Variants in LPO observed in about 807,000 individuals in gnomAD.
LPO encodes lactoperoxidase, also known as salivary peroxidase.
LPO carries 70 observed loss-of-function variants against 68.4 expected under a neutral mutation model. The ratio of observed to expected loss-of-function variants is 1.02; its 90% CI spans 0.84 to 1.25. The LOEUF (loss-of-function observed/expected upper bound fraction) is 1.25, where lower values mean the gene tolerates loss of function less well. Ranked by LOEUF, LPO falls within the 50% of genes most tolerant of loss-of-function variation. LPO has a pLI of 0.00. For missense variants in LPO, 873 were observed against 908.4 expected (o/e 0.96, Z 0.50); for synonymous variants, 360 against 357.6 (o/e 1.01, Z -0.08).
Position 58,268,387 on chromosome 17 carries a change from C to A in LPO, c.*393C>A, listed in dbSNP as rs1225291115. The A allele has an allele frequency of 7.2e-6, 2 of 277,658 alleles. No homozygotes were observed. The highest frequency in any genetic ancestry group is 1.4e-5 in the Non-Finnish European group (2 of 142,604). 17.2% of individuals were successfully genotyped at this position (277,658 alleles called of 1,614,324 possible). On this transcript the variant is annotated 3_prime_UTR_variant, in exon 13 of 13. Coordinates refer to ENST00000262290, the MANE Select transcript of LPO (RefSeq NM_006151.3). ...TCCGAGGGTCCCCTGTGGCACCTAG[C>A]ATGGTGCACAGCACATTAGAAGTGC...
chr17:58,239,200 C>T (rs751733654), intron 1 of LPO, among the ~76,000 whole-genome samples: 1 of 150,772 alleles, frequency 6.6e-6, no homozygotes. Flanking sequence ...TTCCCTAAGC[C>T]GGAGCTGTCA....
At chr17:58,244,102 C>G (rs1457936753) in intron 3 of LPO, 21 bp downstream of exon 3, 1 of 1,229,270 alleles carries the variant, frequency 8.1e-7, no homozygotes, top group African/African-American at 1.5e-5. Context: ...CACACACACA[C>G]ACACACACAC....
At chr17:58,249,218 C>T in intron 5 of LPO, 41 bp downstream of exon 5, 9 of 1,544,268 alleles carry the variant, frequency 5.8e-6, no homozygotes, top group Non-Finnish European at 8.0e-6. Context: ...ATTCCAGCCA[C>T]TCCGCCCCGC....
chr17:58,242,783 C>G (rs1044538139), intron 1 of LPO, 195 bp from the exon 2 acceptor site: 1 of 529,588 alleles, frequency 1.9e-6, no homozygotes, highest in Non-Finnish European at 3.4e-6. Flanking sequence ...ATGTCTTCTC[C>G]TCTTTCCATC....
chr17:58,242,472 A>G (rs1440245997), intron 1 of LPO, among the ~76,000 whole-genome samples: 1 of 152,190 alleles, frequency 6.6e-6, no homozygotes, highest in Non-Finnish European at 1.5e-5. Flanking sequence ...GGGCCAGAGG[A>G]AACTGGCTTG....
intron 8 of LPO, among the ~76,000 whole-genome samples, chr17:58,253,045 A>AAAAG (rs1555605178): frequency 1.5e-3 from 223 of 145,718 alleles, no homozygotes; most frequent in African/African-American, 4.9e-3. Context: ...AAAAAAAAAA[A>AAAAG]AAAGAAAGAA....
intron 7 of LPO, 121 bp downstream of exon 7, chr17:58,250,742 A>T: frequency 4.0e-6 from 4 of 989,510 alleles, no homozygotes; most frequent in Non-Finnish European, 6.1e-6. Flanking sequence ...GTAGTTTCCC[A>T]TGCCTCACGT....
At chr17:58,263,142 C>T (rs913694991) in intron 9 of LPO, among the ~76,000 whole-genome samples, 3 of 152,192 alleles carry the variant, frequency 2.0e-5, no homozygotes, top group African/African-American at 7.2e-5. Flanking sequence ...TTTAAAATTT[C>T]AGCTAGTGTA....
intron 9 of LPO, among the ~76,000 whole-genome samples, chr17:58,258,467 T>C (rs1349733503): frequency 1.3e-5 from 2 of 152,198 alleles, no homozygotes; most frequent in African/African-American, 4.8e-5. Context: ...TGTGGATTTG[T>C]TTCTGGGTTC....
intron 8 of LPO, among the ~76,000 whole-genome samples, chr17:58,254,208 A>G (rs1348861232): frequency 7.4e-6 from 1 of 135,976 alleles, no homozygotes; most frequent in East Asian, 2.1e-4. Context: ...CCTAAAGATT[A>G]GAGGGCACAG....
intron 9 of LPO, among the ~76,000 whole-genome samples, chr17:58,256,421 T>TTA (rs60626632): frequency 6.7e-6 from 1 of 149,464 alleles, no homozygotes; most frequent in African/African-American, 2.5e-5. Flanking sequence ...TTTTTTTTTT[T>TTA]AATTTTTTAA....
At chr17:58,267,304 A>G in intron 11 of LPO, 45 bp from the exon 12 acceptor site, 1 of 1,522,566 alleles carries the variant, frequency 6.6e-7, no homozygotes, top group Non-Finnish European at 9.1e-7. Context: ...GAGGCTGTGA[A>G]CAGGAAGTCC....
Position 58,264,849 on chromosome 17 carries a change from G to A in LPO, c.1394G>A (p.Arg465His), listed in dbSNP as rs140718738. ...RISNVFTFAFRFGHLEVPSSM... is the reference protein window; with the variant it reads ...RISNVFTFAFHFGHLEVPSSM... Reference sequence around the variant, plus strand: ...TCCAATGTCTTCACCTTCGCCTTCCGCTTTGGCCACTTGGAGGTCCCCTCT... The same window carrying A: ...TCCAATGTCTTCACCTTCGCCTTCCACTTTGGCCACTTGGAGGTCCCCTCT... Residue 465 changes from arginine to histidine, a missense_variant, in exon 10 of 13, where the codon CGC becomes CAC. Arg to His is a conservative substitution (Grantham distance 29). Coordinates refer to ENST00000262290, the MANE Select transcript of LPO (RefSeq NM_006151.3). The A allele has an allele frequency of 2.0e-5, 33 of 1,614,066 alleles. No homozygotes were observed. Among genetic ancestry groups the A allele is most frequent in the East Asian group, 4.5e-5 (2 of 44,902 alleles).
chr17:58,252,331 C>A lies in LPO; in HGVS notation c.930C>A (p.Tyr310Ter). 6.2e-7 allele frequency: 1 copy of A among 1,614,236 alleles called. No individual in the cohort carries two copies. The highest frequency in any genetic ancestry group is 8.5e-7 in the Non-Finnish European group (1 of 1,180,040). Reference sequence around the variant, plus strand: ...CCTTCCTGGATGCCAGCTTTGTGTACAGCTCCGAGCCAAGCCTGGCCAGCC... The same window carrying A: ...CCTTCCTGGATGCCAGCTTTGTGTAAAGCTCCGAGCCAAGCCTGGCCAGCC... The part of the protein sequence containing the change: ...LTSFLDASFV[Y>*]SSEPSLASRL... Residue 310 changes from tyrosine (Y) to a stop codon, truncating the protein, a stop_gained, in exon 8 of 13, where the codon TAC (tyrosine) becomes TAA (stop). Coordinates refer to ENST00000262290, the MANE Select transcript of LPO (RefSeq NM_006151.3). LOFTEE classifies it high-confidence loss of function.
intron 8 of LPO, among the ~76,000 whole-genome samples, chr17:58,253,785 A>C (rs1970008928): frequency 6.6e-6 from 1 of 152,222 alleles, no homozygotes; most frequent in Non-Finnish European, 1.5e-5. Context: ...TTTCATAAAA[A>C]TATGCACTCA....
chr17:58,253,022 CAAAAAAA>C (rs765890765), intron 8 of LPO, among the ~76,000 whole-genome samples: 884 of 31,058 alleles, frequency 0.028, 8 homozygotes, highest in African/African-American at 0.1. Flanking sequence ...GACTCCATCT[CAAAAAAA>C]AAAAAAAAAA....
chr17:58,252,881 G>A (rs1969988205), intron 8 of LPO, among the ~76,000 whole-genome samples: 1 of 151,478 alleles, frequency 6.6e-6, no homozygotes, highest in Non-Finnish European at 1.5e-5. Context: ...AAATTAGCCG[G>A]GCGTGGTGGC....
intron 10 of LPO, among the ~76,000 whole-genome samples, chr17:58,265,832 A>G (rs1970253180): frequency 6.6e-6 from 1 of 151,546 alleles, no homozygotes; most frequent in African/African-American, 2.4e-5. Context: ...CAGTCTTCCC[A>G]CCTTGGCCTC....
intron 1 of LPO, among the ~76,000 whole-genome samples, chr17:58,240,310 C>T (rs558903000): frequency 6.6e-6 from 1 of 152,316 alleles, no homozygotes; most frequent in South Asian, 2.1e-4. Flanking sequence ...CTTCATGTCC[C>T]AGGGAAGGCT....
Sources: allele counts gnomAD v4.1 joint callset (sites outside exome capture counted in the v4.1 genomes callset), GRCh38; gene constraint gnomAD v4.1.1; transcripts MANE v1.5; gene names NCBI Gene and HGNC (gene_info 2026-07-23, HGNC 2026-07-21).